RBFOX1: variants seen among roughly 807,000 people sequenced by gnomAD.
RBFOX1 encodes RNA binding protein fox-1 homolog 1.
Under a neutral mutation model 57.7 loss-of-function variants are expected in RBFOX1, and 8 were observed. The observed-to-expected ratio is 0.14, with a 90% CI of 0.08 to 0.25. The LOEUF (loss-of-function observed/expected upper bound fraction) is 0.25, where lower values mean the gene tolerates loss of function less well. Among genes scored for constraint, RBFOX1 ranks in the 10% least tolerant of loss-of-function variants. RBFOX1 has a pLI of 1.00. For missense variants in RBFOX1, 611 were observed against 548.5 expected (o/e 1.11, Z -1.14); for synonymous variants, 326 against 222.4 (o/e 1.47, Z -4.15).
At chr16:6,706,254 G>C (rs1172268838) in intron 3 of RBFOX1, among the ~76,000 whole-genome samples, 1 of 152,156 alleles carries the variant, frequency 6.6e-6, no homozygotes. Context: ...CCATGTCCCA[G>C]TTTTGATGAT....
intron 4 of RBFOX1, among the ~76,000 whole-genome samples, chr16:7,181,156 G>A (rs983412144): frequency 6.6e-6 from 1 of 152,126 alleles, no homozygotes; most frequent in Non-Finnish European, 1.5e-5. Context: ...TGTGCCAGGT[G>A]GACGGCCTTG....
intron 3 of RBFOX1, among the ~76,000 whole-genome samples, chr16:5,731,215 T>G (rs1567460700): frequency 6.6e-6 from 1 of 152,028 alleles, no homozygotes; most frequent in Non-Finnish European, 1.5e-5. Context: ...ATCAAGATCA[T>G]CAACAACACT....
Position 7,392,854 on chromosome 16 carries a change from GGTTTGTTT to G in RBFOX1, c.28-125264_28-125257del, listed in dbSNP as rs71391628. On this transcript the variant is annotated intron_variant, in intron 4 of 15. Coordinates refer to ENST00000550418, the MANE Select transcript of RBFOX1 (RefSeq NM_018723.4). ...GTTTTTTGTTGTTTTGGTTTGGTTT[GGTTTGTTT>G]GTTTGTTTGTTTGTTTGTTTGTTTG... 3.9e-3 allele frequency among the ~76,000 whole-genome samples: 481 copies of G among 123,076 alleles called. 3 individuals carry two copies. Among genetic ancestry groups the G allele is most frequent in the African/African-American group, 0.011 (332 of 30,252 alleles). The allele number at this position is 123,076 out of a possible 152,430, so 80.7% of individuals were successfully genotyped here. A position where few individuals can be genotyped will look rare whatever the true frequency, so the allele number is the denominator to read the frequency against.
intron 5 of RBFOX1, among the ~76,000 whole-genome samples, chr16:7,537,442 C>T (rs1601246435): frequency 6.6e-6 from 1 of 152,168 alleles, no homozygotes; most frequent in East Asian, 1.9e-4. Flanking sequence ...TGATGTGACT[C>T]AGTGTGTTCC....
chr16:7,500,890 C>T (rs983035279), intron 4 of RBFOX1, among the ~76,000 whole-genome samples: 2 of 152,168 alleles, frequency 1.3e-5, no homozygotes, highest in African/African-American at 2.4e-5. Context: ...GGGACAGTTA[C>T]CTCCATGCTG....
intron 9 of RBFOX1, among the ~76,000 whole-genome samples, chr16:7,601,612 C>T (rs533191343): frequency 1.8e-4 from 27 of 152,062 alleles, no homozygotes; most frequent in Non-Finnish European, 3.4e-4. Flanking sequence ...TATTTATCTA[C>T]GAGGAAAAAT....
chr16:6,562,834 TTCTTTC>T (rs1181863593), intron 2 of RBFOX1, among the ~76,000 whole-genome samples: 30 of 51,338 alleles, frequency 5.8e-4, no homozygotes, highest in Middle Eastern at 0.021. Context: ...CTTGATTCTT[TTCTTTC>T]TTTCTTTCTT....
chr16:6,752,999 A>C (rs982802480), intron 3 of RBFOX1, among the ~76,000 whole-genome samples: 1 of 152,202 alleles, frequency 6.6e-6, no homozygotes, highest in African/African-American at 2.4e-5. Flanking sequence ...GCAAATTTCA[A>C]ATACACAATT....
At chr16:7,500,098 C>T (rs1289477702) in intron 4 of RBFOX1, among the ~76,000 whole-genome samples, 1 of 152,064 alleles carries the variant, frequency 6.6e-6, no homozygotes, top group Non-Finnish European at 1.5e-5. Context: ...AGGCAGACGT[C>T]CTTAAAAGAT....
intron 1 of RBFOX1, among the ~76,000 whole-genome samples, chr16:5,363,890 G>A (rs1337063811): frequency 6.6e-6 from 1 of 152,162 alleles, no homozygotes; most frequent in Non-Finnish European, 1.5e-5. Flanking sequence ...CGTTTGCCCT[G>A]GTGGACGACC....
intron 2 of RBFOX1, among the ~76,000 whole-genome samples, chr16:6,636,574 T>A (rs2098435630): frequency 2.0e-5 from 3 of 151,742 alleles, no homozygotes; most frequent in Admixed American, 2.0e-4. Flanking sequence ...TTCTCTTTTA[T>A]TTGGTTTAAG....
chr16:5,755,893 C>T (rs376445300), intron 3 of RBFOX1, among the ~76,000 whole-genome samples: 14 of 152,222 alleles, frequency 9.2e-5, no homozygotes, highest in African/African-American at 1.9e-4. Flanking sequence ...CTCTTGCACC[C>T]GGCCTCTAAT....
At chr16:5,868,321 A>C (rs1439030625) in intron 4 of RBFOX1, among the ~76,000 whole-genome samples, 1 of 144,768 alleles carries the variant, frequency 6.9e-6, no homozygotes, top group South Asian at 2.1e-4. Flanking sequence ...AGGTATTTAT[A>C]TCCTACTGCT....
intron 4 of RBFOX1, among the ~76,000 whole-genome samples, chr16:7,457,228 T>C (rs958103008): frequency 2.6e-5 from 4 of 152,054 alleles, no homozygotes; most frequent in Non-Finnish European, 4.4e-5. Flanking sequence ...GGTCCATGAA[T>C]GCAAGCAGTG....
intron 4 of RBFOX1, among the ~76,000 whole-genome samples, chr16:7,185,784 T>C (rs1166734647): frequency 1.3e-5 from 2 of 152,210 alleles, no homozygotes; most frequent in Non-Finnish European, 2.9e-5. Flanking sequence ...GTCTTTACAC[T>C]GGCATATGAA....
At chr16:6,875,005 G>A (rs564597951) in intron 3 of RBFOX1, among the ~76,000 whole-genome samples, 1 of 152,304 alleles carries the variant, frequency 6.6e-6, no homozygotes, top group South Asian at 2.1e-4. Flanking sequence ...ATGATTCCAA[G>A]TTGGGCAGAA....
intron 4 of RBFOX1, among the ~76,000 whole-genome samples, chr16:7,140,192 C>CTCTCTCTCTCTG (rs2073352717): frequency 2.8e-5 from 4 of 142,908 alleles, no homozygotes; most frequent in African/African-American, 1.0e-4. Context: ...CTCTCTCTCT[C>CTCTCTCTCTCTG]TCCCTCCTTC....
intron 4 of RBFOX1, among the ~76,000 whole-genome samples, chr16:7,254,697 C>T (rs543904818): frequency 9.3e-4 from 142 of 152,206 alleles, no homozygotes; most frequent in Non-Finnish European, 1.7e-3. Flanking sequence ...GAAAGACATT[C>T]ACAAGCCATT....
intron 3 of RBFOX1, among the ~76,000 whole-genome samples, chr16:6,976,690 A>G (rs2086946210): frequency 6.7e-6 from 1 of 148,694 alleles, no homozygotes; most frequent in South Asian, 2.1e-4. Flanking sequence ...TATCATACCT[A>G]TAGCATACAT....
Sources: gnomAD v4.1 joint callset for allele counts (sites outside exome capture counted in the v4.1 genomes callset) on GRCh38, gnomAD v4.1.1 for gene constraint, MANE v1.5 for transcripts, NCBI Gene and HGNC (gene_info 2026-07-23, HGNC 2026-07-21) for gene names.